The following PCCA variants were observed in gnomAD, a reference collection of about 807,000 sequenced individuals.
PCCA encodes the protein propionyl-CoA carboxylase alpha chain, mitochondrial.
In PCCA, 74 loss-of-function variants were observed where a neutral mutation model predicts 101.3. That is an observed-to-expected ratio of 0.73 (90% CI 0.61 to 0.89). The LOEUF is 0.89. PCCA is among the 40% of genes least tolerant of loss of function. PCCA has a pLI of 0.00. For synonymous variants in PCCA, 294 were observed against 313.6 expected (o/e 0.94, Z 0.66); for missense variants, 891 against 907.0 (o/e 0.98, Z 0.23).
At chr13:100,503,646 G>A (rs1052659813) in intron 21 of PCCA, among the ~76,000 whole-genome samples, 2 of 152,206 alleles carry the variant, frequency 1.3e-5, no homozygotes, top group Admixed American at 6.5e-5. Context: ...GCTTATGCCT[G>A]TAATCCCAAC....
At chr13:100,326,437 ATTGAC>A (rs2068693789) in intron 16 of PCCA, among the ~76,000 whole-genome samples, 1 of 152,226 alleles carries the variant, frequency 6.6e-6, no homozygotes, top group African/African-American at 2.4e-5. Flanking sequence ...CAAGACTGCT[ATTGAC>A]TTATTTTACG....
At position 100,469,710 on chromosome 13, in the gene PCCA, G is replaced by T. The variant is rs553100149; in HGVS notation, c.1899+20405G>T. Reference sequence around the variant, plus strand: ...CAGGAGAATCGCTTGAAACCCGGAGGCTGAGGTTGCAGTAAGCCGAGATCT... The same window carrying T: ...CAGGAGAATCGCTTGAAACCCGGAGTCTGAGGTTGCAGTAAGCCGAGATCT... On this transcript the variant is annotated intron_variant, in intron 21 of 23. Transcript: ENST00000376285. Among the ~76,000 whole-genome samples, 249 of 150,534 alleles carry T rather than the reference G, an allele frequency of 1.7e-3. 2 individuals are homozygous for T. Among genetic ancestry groups the T allele is most frequent in the African/African-American group, 5.5e-3 (224 of 40,862 alleles).
intron 7 of PCCA, among the ~76,000 whole-genome samples, chr13:100,228,769 G>A (rs563423494): frequency 8.2e-4 from 124 of 151,804 alleles, no homozygotes; most frequent in African/African-American, 2.8e-3. Flanking sequence ...ACGTGGTGGT[G>A]TGTGCCTATA....
intron 4 of PCCA, among the ~76,000 whole-genome samples, chr13:100,126,574 C>G (rs990192832): frequency 1.3e-5 from 2 of 152,008 alleles, no homozygotes; most frequent in Non-Finnish European, 2.9e-5. Flanking sequence ...CGGGGGGTCT[C>G]TTTGTGCCAG....
chr13:100,448,346 C>A (rs567259719), intron 20 of PCCA, among the ~76,000 whole-genome samples: 2 of 152,160 alleles, frequency 1.3e-5, no homozygotes, highest in Non-Finnish European at 2.9e-5. Flanking sequence ...GTGTGCACCA[C>A]CACGCCTGGC....
intron 4 of PCCA, among the ~76,000 whole-genome samples, chr13:100,120,680 G>T (rs1232830655): frequency 1.3e-5 from 2 of 152,200 alleles, no homozygotes; most frequent in Admixed American, 6.5e-5. Context: ...ATGGGAATTG[G>T]TCAGGGCAGG....
chr13:100,266,268 T>A (rs917046881), intron 10 of PCCA, among the ~76,000 whole-genome samples: 2 of 152,202 alleles, frequency 1.3e-5, no homozygotes, highest in African/African-American at 4.8e-5. Context: ...ACCATTGTCT[T>A]TGACATTACT....
At position 100,268,802 on chromosome 13, in the gene PCCA, A is replaced by G. The variant is rs4306370; in HGVS notation, c.914+19A>G. ...CACCAAGGTAAGTCTCCTAAGAAACATTTATAAAGCGGCTGCTTTTATGCA... is the reference window on the plus strand; with the variant it reads ...CACCAAGGTAAGTCTCCTAAGAAACGTTTATAAAGCGGCTGCTTTTATGCA... On this transcript the variant is annotated intron_variant, in intron 11 of 23. Transcript: ENST00000376285. 1,537,805 of 1,558,632 alleles carry G rather than the reference A, an allele frequency of 0.99. 760,753 individuals carry two copies. Among genetic ancestry groups the G allele is most frequent in the East Asian group, 1 (44,589 of 44,590 alleles).
At chr13:100,512,069 C>T (rs1339294741) in intron 21 of PCCA, among the ~76,000 whole-genome samples, 2 of 152,206 alleles carry the variant, frequency 1.3e-5, no homozygotes, top group African/African-American at 4.8e-5. Flanking sequence ...CTCACCCAGA[C>T]TGTGACTAGC....
At chr13:100,526,118 C>T (rs1373920242) in intron 22 of PCCA, among the ~76,000 whole-genome samples, 1 of 152,162 alleles carries the variant, frequency 6.6e-6, no homozygotes, top group Admixed American at 6.5e-5. Context: ...TCCTGGATTC[C>T]CTGGTCTTTG....
At chr13:100,163,743 C>G (rs2054734718) in intron 6 of PCCA, among the ~76,000 whole-genome samples, 1 of 152,110 alleles carries the variant, frequency 6.6e-6, no homozygotes, top group African/African-American at 2.4e-5. Flanking sequence ...AATAAATGAT[C>G]AAGGTGGTTG....
At chr13:100,173,175 A>T (rs1352629567) in intron 6 of PCCA, among the ~76,000 whole-genome samples, 1 of 152,224 alleles carries the variant, frequency 6.6e-6, no homozygotes, top group Non-Finnish European at 1.5e-5. Context: ...AGGAGAGATA[A>T]GGTGCAAAGC....
intron 21 of PCCA, chr13:100,491,551 C>A: frequency 1.8e-6 from 1 of 547,312 alleles, no homozygotes. Flanking sequence ...AAAGTACTGA[C>A]TCACTGCAAA....
chr13:100,412,252 G>A (rs1301443503), intron 19 of PCCA, among the ~76,000 whole-genome samples: 1 of 152,170 alleles, frequency 6.6e-6, no homozygotes, highest in Non-Finnish European at 1.5e-5. Context: ...CACAGACTCT[G>A]TTCACATTCA....
chr13:100,479,773 G>C (rs1409267138), intron 21 of PCCA: 2 of 145,672 alleles, frequency 1.4e-5, no homozygotes, highest in Non-Finnish European at 3.0e-5. Context: ...ACTGAAAAAT[G>C]ATTCCATTTT....
chr13:100,457,292 CTAGA>C (rs2081814535), intron 21 of PCCA, among the ~76,000 whole-genome samples: 1 of 152,052 alleles, frequency 6.6e-6, no homozygotes, highest in Non-Finnish European at 1.5e-5. Flanking sequence ...GCCTCGGCAC[CTAGA>C]TAATCTTTCA....
Position 100,204,769 on chromosome 13 carries a change from G to T in PCCA, c.469-4563G>T, listed in dbSNP as rs543161437. Among the ~76,000 whole-genome samples the T allele has an allele frequency of 5.6e-4, 86 of 152,278 alleles. 1 individual carries two copies. Among genetic ancestry groups the T allele is most frequent in the Admixed American group, 2.2e-3 (33 of 15,298 alleles). ...AGGAAATGAGTAGAATTTTGGAGCA[G>T]TGATTTCAGCTTTTCATAATTTCTT... On this transcript the variant is annotated intron_variant, in intron 6 of 23. Coordinates refer to ENST00000376285, the MANE Select transcript of PCCA (RefSeq NM_000282.4).
chr13:100,234,669 A>T (rs946750507), intron 7 of PCCA, among the ~76,000 whole-genome samples: 5 of 151,594 alleles, frequency 3.3e-5, no homozygotes, highest in Admixed American at 2.6e-4. Flanking sequence ...TTTATTAGAC[A>T]TAAGTGAACC....
intron 19 of PCCA, among the ~76,000 whole-genome samples, chr13:100,381,591 ATTTC>A (rs1312229505): frequency 6.6e-6 from 1 of 152,178 alleles, no homozygotes; most frequent in Non-Finnish European, 1.5e-5. Context: ...GTATTTATGT[ATTTC>A]TTTATTACTA....
Sources: gnomAD v4.1 joint callset for allele counts (sites outside exome capture counted in the v4.1 genomes callset) on GRCh38, gnomAD v4.1.1 for gene constraint, MANE v1.5 for transcripts, NCBI Gene and HGNC (gene_info 2026-07-23, HGNC 2026-07-21) for gene names.